Variants in NOSTRIN observed in about 807,000 individuals in gnomAD.
The protein encoded by NOSTRIN is nitric oxide synthase trafficking, also known as BM247 homolog.
Under a neutral mutation model 59.0 loss-of-function variants are expected in NOSTRIN, and 63 were observed. The ratio of observed to expected loss-of-function variants is 1.07; its 90% CI spans 0.87 to 1.32. The LOEUF (loss-of-function observed/expected upper bound fraction) is 1.32, where lower values mean the gene tolerates loss of function less well. Among genes scored for constraint, NOSTRIN ranks in the 40% most tolerant of loss-of-function variants. The probability of loss-of-function intolerance (pLI) is 0.00; values close to 1 mark genes in which losing one functional copy is unlikely to be tolerated. For missense variants in NOSTRIN, 512 were observed against 473.1 expected (o/e 1.08, Z -0.76); for synonymous variants, 200 against 165.4 (o/e 1.21, Z -1.61).
chr2:168,824,410 C>T (rs1686937082), intron 2 of NOSTRIN, among the ~76,000 whole-genome samples: 1 of 152,044 alleles, frequency 6.6e-6, no homozygotes, highest in Non-Finnish European at 1.5e-5. Flanking sequence ...GCGATTCTCG[C>T]ACCTCAGCCT....
At chr2:168,840,336 C>T (rs1040657790) in intron 7 of NOSTRIN, among the ~76,000 whole-genome samples, 6 of 152,108 alleles carry the variant, frequency 3.9e-5, no homozygotes, top group East Asian at 1.9e-4. Context: ...CGAGACCATC[C>T]GGGCTAACAT....
rs536141711 is a variant in NOSTRIN, at chr2:168,831,497, C to A, written c.368C>A (p.Ala123Glu). The A allele has an allele frequency of 1.7e-5, 15 of 866,756 alleles. No homozygotes were observed. The South Asian group carries it at 2.0e-4, about 11-fold the overall frequency. The allele number at this position is 866,756 out of a possible 1,614,324, so 53.7% of individuals were successfully genotyped here. A position where few individuals can be genotyped will look rare whatever the true frequency, so the allele number is the denominator to read the frequency against. Residue 123 changes from alanine (A) to glutamate (E), a missense_variant, in exon 6 of 16, where the codon GCA (alanine) becomes GAA (glutamate). By Grantham distance (107) the Ala-to-Glu change is moderately radical (BLOSUM62 -1). Coordinates refer to ENST00000317647, the MANE Select transcript of NOSTRIN (RefSeq NM_001039724.4). ...CTTGACAATGAAGTTGAAAAGACAG[C>A]AAATCTTGTCATTAGCAACTGGAAT... ...KSLDNEVEKTANLVISNWNQQ... is the reference protein window; with the variant it reads ...KSLDNEVEKTENLVISNWNQQ...
intron 7 of NOSTRIN, among the ~76,000 whole-genome samples, chr2:168,838,515 C>T (rs1286502096): frequency 6.6e-6 from 1 of 152,174 alleles, no homozygotes. Context: ...ACTGGGATTA[C>T]AGGCGCGAGC....
At position 168,865,175 on chromosome 2, in the gene NOSTRIN, G is replaced by C. The variant is rs1482794642; in HGVS notation, c.*205G>C. On this transcript the variant is annotated 3_prime_UTR_variant, in exon 16 of 16. Transcript: ENST00000317647. ...ATGGGTGGAGACAGACAAGGAAGAG[G>C]CTCCTTGGTTCCTAGAGGAGTTTCC... 3 of 582,942 alleles carry C rather than the reference G, an allele frequency of 5.1e-6. No individual in the cohort carries two copies. Among genetic ancestry groups the C allele is most frequent in the Non-Finnish European group, 8.8e-6 (3 of 340,632 alleles). The allele number at this position is 582,942 out of a possible 1,614,324, so 36.1% of individuals were successfully genotyped here.
At chr2:168,803,420 G>C (rs758808252) in intron 1 of NOSTRIN, among the ~76,000 whole-genome samples, 7 of 152,194 alleles carry the variant, frequency 4.6e-5, no homozygotes, top group African/African-American at 1.2e-4. Flanking sequence ...GCTAAGATTG[G>C]TGACATCATA....
intron 6 of NOSTRIN, among the ~76,000 whole-genome samples, chr2:168,831,939 A>G (rs374610428): frequency 6.6e-6 from 1 of 152,194 alleles, no homozygotes; most frequent in African/African-American, 2.4e-5. Flanking sequence ...ACTGCTCTTA[A>G]TCATTCCATT....
chr2:168,805,539 C>T (rs774441157), intron 1 of NOSTRIN, among the ~76,000 whole-genome samples: 1 of 152,178 alleles, frequency 6.6e-6, no homozygotes, highest in Non-Finnish European at 1.5e-5. Context: ...TTAATAGCAC[C>T]TTCCTATCAA....
chr2:168,858,015 C>T (rs1054902724), intron 12 of NOSTRIN, among the ~76,000 whole-genome samples: 2 of 152,240 alleles, frequency 1.3e-5, no homozygotes, highest in South Asian at 2.1e-4. Flanking sequence ...CCTGCAATGA[C>T]CCGTGGCTAC....
intron 7 of NOSTRIN, among the ~76,000 whole-genome samples, chr2:168,841,741 A>G (rs1688118783): frequency 6.6e-6 from 1 of 152,220 alleles, no homozygotes; most frequent in African/African-American, 2.4e-5. Flanking sequence ...CACTGACAAG[A>G]GACAGATGAA....
Position 168,859,511 on chromosome 2 carries a change from G to T in NOSTRIN, c.1054-1G>T. On this transcript the variant is annotated splice_acceptor_variant, in intron 12 of 15. Coordinates refer to ENST00000317647, the MANE Select transcript of NOSTRIN (RefSeq NM_001039724.4). LOFTEE classifies it high-confidence loss of function. The stretch of plus-strand genomic sequence containing the variant: ...CACATGGCCAAATGATGTATCCACA[G>T]AACAATTTGAAACTAGACCTTTTGG... 6.2e-7 allele frequency: 1 copy of T among 1,613,878 alleles called. No individual in the cohort carries two copies. Among genetic ancestry groups the T allele is most frequent in the Non-Finnish European group, 8.5e-7 (1 of 1,179,916 alleles).
At chr2:168,797,009 C>A (rs1229727130), upstream of NOSTRIN, among the ~76,000 whole-genome samples, 2 of 151,758 alleles carry the variant, frequency 1.3e-5, no homozygotes, top group Admixed American at 6.6e-5. Flanking sequence ...CTATGAGGAG[C>A]TCACTGAGTA....
At chr2:168,859,406 C>T (rs1442792192) in intron 12 of NOSTRIN, 106 bp from the exon 13 acceptor site, 26 of 1,489,484 alleles carry the variant, frequency 1.7e-5, no homozygotes, top group African/African-American at 9.9e-5. Flanking sequence ...GAGTTAAATG[C>T]GTACTTTTCT....
upstream of NOSTRIN, among the ~76,000 whole-genome samples, chr2:168,800,036 C>A (rs1685573829): frequency 6.6e-6 from 1 of 152,204 alleles, no homozygotes; most frequent in Admixed American, 6.5e-5. Flanking sequence ...AGCTGTACCT[C>A]CAGAGGCCTC....
intron 7 of NOSTRIN, among the ~76,000 whole-genome samples, chr2:168,840,337 G>T (rs187883160): frequency 5.9e-5 from 9 of 151,728 alleles, no homozygotes; most frequent in African/African-American, 2.2e-4. Context: ...GAGACCATCC[G>T]GGCTAACATG....
chr2:168,844,812 G>A (rs960643317), intron 8 of NOSTRIN, among the ~76,000 whole-genome samples: 5 of 151,756 alleles, frequency 3.3e-5, no homozygotes, highest in Non-Finnish European at 7.4e-5. Context: ...AGAGCTTGCA[G>A]TGAGCCGAGA....
chr2:168,851,063 C>G (rs2105754782), intron 8 of NOSTRIN, 21 bp from the exon 9 acceptor site: 1 of 1,350,470 alleles, frequency 7.4e-7, no homozygotes, highest in South Asian at 1.2e-5. Flanking sequence ...CTGATCTTAC[C>G]CCAATTTTCA....
chr2:168,823,431 G>A (rs1262788294), intron 2 of NOSTRIN, among the ~76,000 whole-genome samples: 1 of 152,182 alleles, frequency 6.6e-6, no homozygotes, highest in Non-Finnish European at 1.5e-5. Context: ...GCGTTCTGAG[G>A]GCTGTGAGGG....
Position 168,851,270 on chromosome 2 carries a change from G to A in NOSTRIN, c.730-9G>A, listed in dbSNP as rs760968849. On this transcript the variant is annotated splice_polypyrimidine_tract_variant and intron_variant, in intron 9 of 15. Coordinates refer to ENST00000317647, the MANE Select transcript of NOSTRIN (RefSeq NM_001039724.4). Reference sequence around the variant, plus strand: ...CGACAACCTTATTCTGTTCCCCTTGGCATTGCAGTGCCACACGCAGATTCA... The same window carrying A: ...CGACAACCTTATTCTGTTCCCCTTGACATTGCAGTGCCACACGCAGATTCA... 3 of 1,613,756 alleles carry A rather than the reference G, an allele frequency of 1.9e-6. No homozygotes were observed. Among genetic ancestry groups the A allele is most frequent in the Non-Finnish European group, 2.5e-6 (3 of 1,179,974 alleles).
At chr2:168,863,756 T>C (rs1689645167) in intron 15 of NOSTRIN, 1 of 659,890 alleles carries the variant, frequency 1.5e-6, no homozygotes, top group African/African-American at 2.0e-5. Context: ...TGGTGAGACA[T>C]ACTTATAGCA....
Sources: gnomAD v4.1 joint callset for allele counts (sites outside exome capture counted in the v4.1 genomes callset) on GRCh38, gnomAD v4.1.1 for gene constraint, MANE v1.5 for transcripts, NCBI Gene and HGNC (gene_info 2026-07-23, HGNC 2026-07-21) for gene names.